ZFPM2: variants seen among roughly 807,000 people sequenced by gnomAD.
ZFPM2 encodes the protein zinc finger protein ZFPM2.
ZFPM2 carries 20 observed loss-of-function variants against 98.6 expected under a neutral mutation model. That is an observed-to-expected ratio of 0.20 (90% CI 0.14 to 0.29). The LOEUF (loss-of-function observed/expected upper bound fraction) is 0.29, where lower values mean the gene tolerates loss of function less well. ZFPM2 is among the 10% of genes least tolerant of loss of function. ZFPM2 has a pLI of 1.00. For synonymous variants in ZFPM2, 518 were observed against 502.7 expected (o/e 1.03, Z -0.41); for missense variants, 1,310 against 1,388.6 (o/e 0.94, Z 0.90).
At chr8:105,319,081 T>C in intron 1 of ZFPM2, 100 bp downstream of exon 1, 1 of 1,336,816 alleles carries the variant, frequency 7.5e-7, no homozygotes, top group Non-Finnish European at 9.9e-7. Flanking sequence ...CTAGGGGAGA[T>C]CCGCTCCCGG....
intron 1 of ZFPM2, among the ~76,000 whole-genome samples, chr8:105,370,370 T>A (rs1215545995): frequency 1.3e-5 from 2 of 152,244 alleles, no homozygotes; most frequent in Admixed American, 6.5e-5. Flanking sequence ...AATTCTTACC[T>A]TTCCCAAATT....
intron 4 of ZFPM2, among the ~76,000 whole-genome samples, chr8:105,605,945 T>C (rs1665943301): frequency 6.6e-6 from 1 of 152,098 alleles, no homozygotes; most frequent in Admixed American, 6.6e-5. Context: ...GAATCATGAG[T>C]GCTGAGGTCT....
chr8:105,523,088 A>G (rs182238477), intron 3 of ZFPM2, among the ~76,000 whole-genome samples: 432 of 152,296 alleles, frequency 2.8e-3, no homozygotes, highest in Non-Finnish European at 4.2e-3. Flanking sequence ...CATTTTTTTC[A>G]TCTGAAATGG....
At position 105,803,387 on chromosome 8, in the gene ZFPM2, C is replaced by T; in HGVS notation, c.3305C>T (p.Ser1102Phe). 6.2e-7 allele frequency: 1 copy of T among 1,613,822 alleles called. No individual in the cohort carries two copies. The highest frequency in any genetic ancestry group is 8.5e-7 in the Non-Finnish European group (1 of 1,179,806). ...ATTCCCTCAGCAGAGGAACAGTTGT[C>T]TAGTATAGCAAAAGGTGTGAATGGT... ...PGIPSAEEQLSSIAKGVNGSS... is the reference protein window; with the variant it reads ...PGIPSAEEQLFSIAKGVNGSS... The change falls in exon 8 of 8, where the codon TCT becomes TTT. Residue 1102 changes from serine to phenylalanine, a missense_variant. Coordinates refer to ENST00000407775, the MANE Select transcript of ZFPM2 (RefSeq NM_012082.4).
chr8:105,352,623 A>G (rs1971958), intron 1 of ZFPM2, among the ~76,000 whole-genome samples: 18,494 of 148,424 alleles, frequency 0.12, 1,355 homozygotes, highest in Non-Finnish European at 0.16. Flanking sequence ...CCCTTTTATT[A>G]TCTGGATCTG....
chr8:105,380,612 TATATTATATATA>T, intron 1 of ZFPM2, among the ~76,000 whole-genome samples: 1 of 68,724 alleles, frequency 1.5e-5, no homozygotes, highest in African/African-American at 6.3e-5. Context: ...TATATATATA[TATATTATATATA>T]ACATATATAT....
intron 2 of ZFPM2, among the ~76,000 whole-genome samples, chr8:105,423,499 C>T (rs553282537): frequency 3.9e-5 from 6 of 152,254 alleles, no homozygotes; most frequent in African/African-American, 9.6e-5. Flanking sequence ...GTTTAGAGTA[C>T]GTGGCATCTT....
chr8:105,586,035 G>GTGTGTGTA, intron 4 of ZFPM2, among the ~76,000 whole-genome samples: 1 of 148,500 alleles, frequency 6.7e-6, no homozygotes, highest in Non-Finnish European at 1.5e-5. Context: ...GTGTGTGTGT[G>GTGTGTGTA]TGTGTATGCA....
chr8:105,472,526 G>A (rs1239067721), intron 3 of ZFPM2, among the ~76,000 whole-genome samples: 3 of 151,948 alleles, frequency 2.0e-5, no homozygotes, highest in South Asian at 2.1e-4. Flanking sequence ...TTTTTGAGAC[G>A]GAGTCTCACT....
chr8:105,609,815 T>G (rs1357878785), intron 4 of ZFPM2, among the ~76,000 whole-genome samples: 2 of 152,172 alleles, frequency 1.3e-5, no homozygotes, highest in African/African-American at 4.8e-5. Flanking sequence ...ATTTCCTGAG[T>G]GAAAAGAAAA....
chr8:105,569,585 A>G (rs12544888), intron 4 of ZFPM2, among the ~76,000 whole-genome samples: 23 of 152,210 alleles, frequency 1.5e-4, no homozygotes, highest in Non-Finnish European at 2.8e-4. Context: ...AGATATGCCC[A>G]TGATGGTTTC....
chr8:105,667,902 A>G (rs901314635), intron 5 of ZFPM2, among the ~76,000 whole-genome samples: 2 of 152,228 alleles, frequency 1.3e-5, no homozygotes, highest in Non-Finnish European at 2.9e-5. Context: ...CTATTGTGAT[A>G]CACCTCAGTA....
At chr8:105,453,735 G>A (rs944710931) in intron 3 of ZFPM2, among the ~76,000 whole-genome samples, 2 of 151,778 alleles carry the variant, frequency 1.3e-5, no homozygotes, top group African/African-American at 4.8e-5. Flanking sequence ...TCCGCCTCCT[G>A]GATTCAAGTG....
intron 3 of ZFPM2, among the ~76,000 whole-genome samples, chr8:105,471,477 G>A (rs965065563): frequency 2.6e-5 from 4 of 152,090 alleles, no homozygotes; most frequent in African/African-American, 9.7e-5. Context: ...CTTTAAGATT[G>A]GGCAAAAACT....
intron 5 of ZFPM2, among the ~76,000 whole-genome samples, chr8:105,644,299 A>T (rs1412414928): frequency 5.4e-5 from 8 of 148,080 alleles, no homozygotes; most frequent in Non-Finnish European, 7.4e-5. Context: ...TTTTTTTTTA[A>T]AAAAAAAACA....
At chr8:105,325,356 A>T (rs977504922) in intron 1 of ZFPM2, among the ~76,000 whole-genome samples, 1 of 151,898 alleles carries the variant, frequency 6.6e-6, no homozygotes, top group Non-Finnish European at 1.5e-5. Context: ...AAGATAGCAC[A>T]TTTGTTTATT....
intron 7 of ZFPM2, among the ~76,000 whole-genome samples, chr8:105,800,037 T>C (rs1394639202): frequency 6.6e-6 from 1 of 152,094 alleles, no homozygotes. Flanking sequence ...TTGTCTCAGA[T>C]GGTGAGTAAG....
chr8:105,632,142 G>GGGTTT (rs1199640330), intron 4 of ZFPM2, among the ~76,000 whole-genome samples: 1 of 151,556 alleles, frequency 6.6e-6, no homozygotes, highest in Non-Finnish European at 1.5e-5. Flanking sequence ...AGATCCTTTG[G>GGGTTT]GGTTTTGTTT....
chr8:105,794,887 G>A (rs367804670), intron 6 of ZFPM2, among the ~76,000 whole-genome samples: 9 of 152,344 alleles, frequency 5.9e-5, no homozygotes, highest in African/African-American at 1.4e-4. Context: ...CTCCAAGCCC[G>A]GTGCAGGATA....
Sources: allele counts gnomAD v4.1 joint callset (sites outside exome capture counted in the v4.1 genomes callset), GRCh38; gene constraint gnomAD v4.1.1; transcripts MANE v1.5; gene names NCBI Gene and HGNC (gene_info 2026-07-23, HGNC 2026-07-21).